The following CTNNA2 variants were observed in gnomAD, a reference collection of about 807,000 sequenced individuals.
CTNNA2 encodes the protein catenin alpha 2.
CTNNA2 carries 42 observed loss-of-function variants against 101.0 expected under a neutral mutation model. That is an observed-to-expected ratio of 0.42 (90% CI 0.32 to 0.54). The LOEUF (loss-of-function observed/expected upper bound fraction) is 0.54, where lower values mean the gene tolerates loss of function less well. Ranked by LOEUF, CTNNA2 falls within the 20% of genes least tolerant of loss-of-function variation. The probability of loss-of-function intolerance (pLI) is 0.14; values close to 1 mark genes in which losing one functional copy is unlikely to be tolerated. For synonymous variants in CTNNA2, 450 were observed against 456.4 expected (o/e 0.99, Z 0.18); for missense variants, 871 against 1,223.1 (o/e 0.71, Z 4.29).
At chr2:80,211,131 G>A (rs960276474) in intron 7 of CTNNA2, among the ~76,000 whole-genome samples, 3 of 152,024 alleles carry the variant, frequency 2.0e-5, no homozygotes, top group East Asian at 1.9e-4. Flanking sequence ...TTGTCAGATG[G>A]GTAGATTGCA....
intron 1 of CTNNA2, among the ~76,000 whole-genome samples, chr2:79,566,638 T>G (rs1311937678): frequency 6.6e-6 from 1 of 152,126 alleles, no homozygotes; most frequent in Non-Finnish European, 1.5e-5. Flanking sequence ...GAGATAATTA[T>G]GATTATTTGA....
chr2:80,188,997 G>C (rs1222263282), intron 7 of CTNNA2, among the ~76,000 whole-genome samples: 1 of 122,332 alleles, frequency 8.2e-6, no homozygotes, highest in East Asian at 2.7e-4. Flanking sequence ...TCTGTCACCA[G>C]ACTGGAGTAC....
At chr2:80,408,193 A>G (rs1003484922) in intron 8 of CTNNA2, among the ~76,000 whole-genome samples, 1 of 152,104 alleles carries the variant, frequency 6.6e-6, no homozygotes. Flanking sequence ...AGGTGCTTAT[A>G]TTTATAATAG....
intron 9 of CTNNA2, among the ~76,000 whole-genome samples, chr2:80,513,267 G>A (rs569568688): frequency 6.6e-6 from 1 of 152,286 alleles, no homozygotes; most frequent in South Asian, 2.1e-4. Flanking sequence ...AATACCACCT[G>A]GCTTCTTCCC....
At chr2:79,882,352 T>TC (rs1683499223) in intron 6 of CTNNA2, among the ~76,000 whole-genome samples, 1 of 152,170 alleles carries the variant, frequency 6.6e-6, no homozygotes, top group Non-Finnish European at 1.5e-5. Flanking sequence ...TGGCCACCCC[T>TC]CCCCCTAGGG....
At chr2:80,311,308 T>C (rs1483155835) in intron 7 of CTNNA2, among the ~76,000 whole-genome samples, 1 of 152,204 alleles carries the variant, frequency 6.6e-6, no homozygotes, top group Non-Finnish European at 1.5e-5. Context: ...ATTTCACACT[T>C]TTCATCCTCA....
intron 7 of CTNNA2, among the ~76,000 whole-genome samples, chr2:79,915,888 A>T (rs776806423): frequency 1.7e-4 from 26 of 151,968 alleles, no homozygotes; most frequent in Non-Finnish European, 3.1e-4. Context: ...TTGATCTAAA[A>T]TCCCAGAGAA....
chr2:80,072,869 G>A (rs1026242414), intron 7 of CTNNA2, among the ~76,000 whole-genome samples: 2 of 152,004 alleles, frequency 1.3e-5, no homozygotes, highest in South Asian at 2.1e-4. Flanking sequence ...GGAAAACGAG[G>A]GATGTTCCAT....
At chr2:80,240,823 A>G (rs1013195231) in intron 7 of CTNNA2, among the ~76,000 whole-genome samples, 6 of 152,208 alleles carry the variant, frequency 3.9e-5, no homozygotes, top group Non-Finnish European at 8.8e-5. Context: ...GGGAGTTAAC[A>G]TATAATGTAA....
At chr2:79,955,368 A>G (rs1334344639) in intron 7 of CTNNA2, among the ~76,000 whole-genome samples, 1 of 152,210 alleles carries the variant, frequency 6.6e-6, no homozygotes, top group Non-Finnish European at 1.5e-5. Context: ...AGAGGGATCT[A>G]AAAAGAAAGG....
intron 7 of CTNNA2, among the ~76,000 whole-genome samples, chr2:80,067,622 C>T (rs1179608272): frequency 2.6e-5 from 4 of 152,004 alleles, no homozygotes; most frequent in East Asian, 1.9e-4. Context: ...TTTAACTACA[C>T]AAATAAATGT....
At chr2:79,289,425 A>T (rs183153045) in intron 2 of CTNNA2, among the ~76,000 whole-genome samples, 6 of 152,130 alleles carry the variant, frequency 3.9e-5, no homozygotes, top group Non-Finnish European at 5.9e-5. Context: ...TTTCCCATGG[A>T]TACATGTGAC....
chr2:79,836,099 A>T (rs1178653368), intron 3 of CTNNA2, among the ~76,000 whole-genome samples: 3 of 152,092 alleles, frequency 2.0e-5, no homozygotes, highest in Non-Finnish European at 2.9e-5. Context: ...TATGGAAGGG[A>T]TGACTTTTCA....
chr2:80,153,924 C>T (rs1165451204), intron 7 of CTNNA2, among the ~76,000 whole-genome samples: 1 of 152,168 alleles, frequency 6.6e-6, no homozygotes, highest in Admixed American at 6.5e-5. Context: ...TTCTTCCTGA[C>T]TCACCACTTC....
At chr2:80,451,254 T>C (rs993018634) in intron 9 of CTNNA2, among the ~76,000 whole-genome samples, 6 of 152,184 alleles carry the variant, frequency 3.9e-5, no homozygotes, top group Non-Finnish European at 7.3e-5. Flanking sequence ...TATTGAATCA[T>C]GAGGGCAGTT....
intron 7 of CTNNA2, among the ~76,000 whole-genome samples, chr2:80,117,826 T>C (rs570998885): frequency 3.9e-4 from 59 of 152,280 alleles, no homozygotes; most frequent in African/African-American, 1.3e-3. Flanking sequence ...GGGTGTTATA[T>C]TAGTATTAGT....
chr2:79,565,108 T>C (rs1573358724), intron 1 of CTNNA2, among the ~76,000 whole-genome samples: 1 of 152,090 alleles, frequency 6.6e-6, no homozygotes, highest in East Asian at 1.9e-4. Flanking sequence ...ATTTTAATTT[T>C]GGAAATGATC....
intron 9 of CTNNA2, among the ~76,000 whole-genome samples, chr2:80,502,516 T>G (rs532350699): frequency 6.6e-6 from 1 of 152,306 alleles, no homozygotes; most frequent in South Asian, 2.1e-4. Flanking sequence ...AAGCACTGCT[T>G]TTATTTTCAT....
intron 7 of CTNNA2, among the ~76,000 whole-genome samples, chr2:80,226,156 T>A (rs770914848): frequency 1.3e-5 from 2 of 152,208 alleles, no homozygotes; most frequent in Non-Finnish European, 2.9e-5. Flanking sequence ...TGGGACTATG[T>A]GTTTTGTGGA....
Sources: gnomAD v4.1 joint callset for allele counts (sites outside exome capture counted in the v4.1 genomes callset) on GRCh38, gnomAD v4.1.1 for gene constraint, MANE v1.5 for transcripts, NCBI Gene and HGNC (gene_info 2026-07-23, HGNC 2026-07-21) for gene names.